STARD7: variants seen among roughly 807,000 people sequenced by gnomAD.
STARD7 encodes StAR related lipid transfer domain containing 7, also known as stAR-related lipid transfer protein 7, mitochondrial.
In STARD7, 30 loss-of-function variants were observed where a neutral mutation model predicts 45.3. The observed-to-expected ratio is 0.66, with a 90% CI of 0.50 to 0.90. STARD7 has a LOEUF of 0.90. Ranked by LOEUF, STARD7 falls within the 40% of genes least tolerant of loss-of-function variation. STARD7 has a pLI of 0.00. For missense variants in STARD7, 495 were observed against 491.3 expected (o/e 1.01, Z -0.07); for synonymous variants, 199 against 183.0 (o/e 1.09, Z -0.70).
chr2:96,195,698 T>C (rs1372352324), intron 1 of STARD7, 149 bp from the exon 2 acceptor site: 15 of 615,926 alleles, frequency 2.4e-5, no homozygotes, highest in Non-Finnish European at 4.0e-5. Flanking sequence ...AAAACTGAGT[T>C]CCTGAGTTTG....
intron 6 of STARD7, among the ~76,000 whole-genome samples, chr2:96,190,281 T>A (rs1683105211): frequency 6.6e-6 from 1 of 152,068 alleles, no homozygotes; most frequent in South Asian, 2.1e-4. Flanking sequence ...TGGAATCAAT[T>A]TGAGCATCAA....
At chr2:96,197,863 G>A (rs540560848) in intron 1 of STARD7, among the ~76,000 whole-genome samples, 18 of 152,202 alleles carry the variant, frequency 1.2e-4, no homozygotes, top group Middle Eastern at 3.4e-3. Context: ...CTTTCACTTA[G>A]CATACTTTCA....
At chr2:96,205,502 T>A (rs1683374856) in intron 1 of STARD7, among the ~76,000 whole-genome samples, 1 of 152,236 alleles carries the variant, frequency 6.6e-6, no homozygotes, top group Non-Finnish European at 1.5e-5. Context: ...TTAGGGGCCA[T>A]GTGACAATCA....
rs559763515 is a variant in STARD7 at position 96,204,486 on chromosome 2, C to T, written c.290+3659G>A. 2.6e-5 allele frequency among the ~76,000 whole-genome samples: 4 copies of T among 151,508 alleles called. No homozygotes were observed. The East Asian group carries it at 5.8e-4, about 22-fold the overall frequency. ...AGGAGAATCGCTTGAACCTGGGAGG[C>T]GGAGGTTGCAGTGAGCCGAGATCAT... On this transcript the variant is annotated intron_variant, in intron 1 of 7. Transcript: ENST00000337288.
At chr2:96,192,261 C>A in intron 6 of STARD7, 108 bp downstream of exon 6, 5 of 900,422 alleles carry the variant, frequency 5.6e-6, no homozygotes, top group South Asian at 4.1e-5. Context: ...CTCCCCCGAG[C>A]GAGAACTGTT....
At chr2:96,196,740 C>T (rs1345466601) in intron 1 of STARD7, among the ~76,000 whole-genome samples, 5 of 151,940 alleles carry the variant, frequency 3.3e-5, no homozygotes, top group African/African-American at 4.8e-5. Context: ...GGATTACAGG[C>T]GTAAACCACC....
rs748351378 is a variant in STARD7, at chr2:96,208,376, A to G, written c.59T>C (p.Leu20Pro). Residue 20 changes from leucine to proline, a missense_variant, in exon 1 of 8, where the codon CTG (leucine) becomes CCG (proline). Leu to Pro is a moderately conservative substitution (Grantham distance 98). Coordinates refer to ENST00000337288, the MANE Select transcript of STARD7 (RefSeq NM_020151.4). ...GCGGCACTGATTGGCCAGAAGCGCC[A>G]GCAGGCCCCCGCCCCGCGTCCCCGC... Reference protein sequence around the residue: ...WLAGTRGGGLLALLANQCRFV... With the variant: ...WLAGTRGGGLPALLANQCRFV... 185 of 1,521,462 alleles carry G rather than the reference A, an allele frequency of 1.2e-4. 2 individuals are homozygous for G. In the Middle Eastern group the frequency reaches 1.3e-3, roughly 11 times the overall value. The allele number at this position is 1,521,462 out of a possible 1,614,324, so 94.2% of individuals were successfully genotyped here.
rs540257101 is a variant in STARD7 at position 96,200,040 on chromosome 2, T to C, written c.291-4491A>G. 2.0e-5 allele frequency among the ~76,000 whole-genome samples: 3 copies of C among 152,316 alleles called. No homozygotes were observed. In the East Asian group the frequency reaches 5.8e-4, roughly 29 times the overall value. On this transcript the variant is annotated intron_variant, in intron 1 of 7. Transcript: ENST00000337288. Reference sequence around the variant, plus strand: ...CATGGCATATAATCCATTTCATATATTGCTGAGTTCAGTTTGTTAGTATTT... The same window carrying C: ...CATGGCATATAATCCATTTCATATACTGCTGAGTTCAGTTTGTTAGTATTT...
Position 96,186,451 on chromosome 2 carries a change from G to A in STARD7, c.*279C>T, listed in dbSNP as rs560257982. 31 of 287,652 alleles carry A rather than the reference G, an allele frequency of 1.1e-4. No individual in the cohort carries two copies. The highest frequency in any genetic ancestry group is 6.7e-4 in the African/African-American group (31 of 46,058). 17.8% of individuals were successfully genotyped at this position (287,652 alleles called of 1,614,324 possible). A position where few individuals can be genotyped will look rare whatever the true frequency, so the allele number is the denominator to read the frequency against. Reference sequence around the variant, plus strand: ...AATGGAGGTCATCCCCTTCTGGCCTGAGGTGAGAGGTTTGTTCCAGATTAG... The same window carrying A: ...AATGGAGGTCATCCCCTTCTGGCCTAAGGTGAGAGGTTTGTTCCAGATTAG... On this transcript the variant is annotated 3_prime_UTR_variant, in exon 8 of 8. Transcript: ENST00000337288.
Position 96,190,632 on chromosome 2 carries a change from C to G in STARD7, c.843+1737G>C, listed in dbSNP as rs1490568109. Among the ~76,000 whole-genome samples, 7 of 151,972 alleles carry G rather than the reference C, an allele frequency of 4.6e-5. No individual in the cohort carries two copies. In the South Asian group the frequency reaches 1.5e-3, roughly 32 times the overall value. On this transcript the variant is annotated intron_variant, in intron 6 of 7. Transcript: ENST00000337288. Reference sequence around the variant, plus strand: ...GGATTACAGGCGTGAGCCACTGCGCCTGGCTTTTTTATTTTTTATTTTTTT... The same window carrying G: ...GGATTACAGGCGTGAGCCACTGCGCGTGGCTTTTTTATTTTTTATTTTTTT...
chr2:96,187,400 G>C lies in STARD7; in HGVS notation c.844-99C>G, dbSNP rs139776707. The stretch of plus-strand genomic sequence containing the variant: ...TAACTATGATCTGATTCTGGAGCAG[G>C]GAGTGTCATTTCTTTTTTCACCCTG... On this transcript the variant is annotated intron_variant, in intron 6 of 7. Transcript: ENST00000337288. 546 of 751,220 alleles carry C rather than the reference G, an allele frequency of 7.3e-4. 3 individuals are homozygous for C. In the East Asian group the frequency reaches 0.013, roughly 18 times the overall value. The allele number at this position is 751,220 out of a possible 1,614,324, so 46.5% of individuals were successfully genotyped here. A position where few individuals can be genotyped will look rare whatever the true frequency, so the allele number is the denominator to read the frequency against.
At chr2:96,208,081 C>T in intron 1 of STARD7, 64 bp downstream of exon 1, 3 of 1,434,382 alleles carry the variant, frequency 2.1e-6, no homozygotes, top group Non-Finnish European at 2.8e-6. Context: ...GACCACAGGG[C>T]AGGCCCCAGG....
rs535044579 is a variant in STARD7, at chr2:96,188,526, T to G, written c.844-1225A>C. Among the ~76,000 whole-genome samples, 182 of 151,264 alleles carry G rather than the reference T, an allele frequency of 1.2e-3. No homozygotes were observed. In the Middle Eastern group the frequency reaches 0.017, roughly 14 times the overall value. ...CCGACCTCAAGTGATCCACCCACCT[T>G]GGCCTCCCAAAGTGCTGGGATTACA... On this transcript the variant is annotated intron_variant, in intron 6 of 7. Transcript: ENST00000337288.
At chr2:96,187,082 G>A in intron 7 of STARD7, 135 bp downstream of exon 7, 1 of 890,768 alleles carries the variant, frequency 1.1e-6, no homozygotes, top group Non-Finnish European at 1.7e-6. Flanking sequence ...CCCAAAGCAT[G>A]GGTTGTGAAA....
rs1167303404 is a variant in STARD7, at chr2:96,184,901, T to TA, written c.*1828dup. ...TTTATGTATTTATTCACACATTTGA[T>TA]AAAAATGTCACAGTTAGGAGTGAAA... On this transcript the variant is annotated 3_prime_UTR_variant, in exon 8 of 8. Transcript: ENST00000337288. 1 of 152,630 alleles carries TA rather than the reference T, an allele frequency of 6.6e-6. No homozygotes were observed. The highest frequency in any genetic ancestry group is 1.5e-5 in the Non-Finnish European group (1 of 68,034). The allele number at this position is 152,630 out of a possible 1,614,324, so 9.5% of individuals were successfully genotyped here. A position where few individuals can be genotyped will look rare whatever the true frequency, so the allele number is the denominator to read the frequency against.
rs1013167660 is a variant in STARD7 at position 96,208,291 on chromosome 2, G to C, written c.144C>G (p.Leu48=). The change falls in exon 1 of 8, where the codon CTC becomes CTG. Residue 48 remains leucine, a synonymous_variant. Coordinates refer to ENST00000337288, the MANE Select transcript of STARD7 (RefSeq NM_020151.4). ...AQQIAQLYGR[L]YSESSRRVLL... Reference sequence around the variant, plus strand: ...GAACGCGGCGTGAGCTCTCGGAGTAGAGGCGGCCGTAGAGCTGCGCGATCT... The same window carrying C: ...GAACGCGGCGTGAGCTCTCGGAGTACAGGCGGCCGTAGAGCTGCGCGATCT... 6.2e-6 allele frequency: 10 copies of C among 1,610,254 alleles called. No homozygotes were observed. The highest frequency in any genetic ancestry group is 2.2e-5 in the South Asian group (2 of 90,798).
intron 6 of STARD7, among the ~76,000 whole-genome samples, chr2:96,191,338 G>T (rs1018226404): frequency 1.3e-5 from 2 of 152,190 alleles, no homozygotes; most frequent in African/African-American, 4.8e-5. Context: ...TGGAGCTGGG[G>T]ATGGATACAG....
At chr2:96,187,115 A>G (rs1683049097) in intron 7 of STARD7, 102 bp downstream of exon 7, 1 of 1,048,088 alleles carries the variant, frequency 9.5e-7, no homozygotes, top group African/African-American at 1.6e-5. Flanking sequence ...AAAAAAAAAA[A>G]AAAGAAGAAC....
chr2:96,186,652 T>G lies in STARD7; in HGVS notation c.*78A>C. ...CAGATGCCTTCTAATACATGTGGCA[T>G]GTCCCCCTTCTACAGCAGAGTGATA... On this transcript the variant is annotated 3_prime_UTR_variant, in exon 8 of 8. Transcript: ENST00000337288. The G allele has an allele frequency of 8.8e-7, 1 of 1,131,624 alleles. No individual in the cohort carries two copies. Among genetic ancestry groups the G allele is most frequent in the Non-Finnish European group, 1.2e-6 (1 of 805,526 alleles). 70.1% of individuals were successfully genotyped at this position (1,131,624 alleles called of 1,614,324 possible). A position where few individuals can be genotyped will look rare whatever the true frequency, so the allele number is the denominator to read the frequency against.
Sources: allele counts gnomAD v4.1 joint callset (sites outside exome capture counted in the v4.1 genomes callset), GRCh38; gene constraint gnomAD v4.1.1; transcripts MANE v1.5; gene names NCBI Gene and HGNC (gene_info 2026-07-23, HGNC 2026-07-21).